Variants in RNF169 observed in about 807,000 individuals in gnomAD.
The protein encoded by RNF169 is ring finger protein 169, also known as E3 ubiquitin-protein ligase RNF169.
A neutral mutation model predicts 53.9 loss-of-function variants in RNF169; 24 were observed. The observed-to-expected ratio is 0.45, with a 90% CI of 0.32 to 0.63. The LOEUF is 0.63. Ranked by LOEUF, RNF169 falls within the 20% of genes least tolerant of loss-of-function variation. The pLI is 0.04. For synonymous variants in RNF169, 396 were observed against 363.5 expected (o/e 1.09, Z -1.02); for missense variants, 883 against 906.2 (o/e 0.97, Z 0.33).
intron 1 of RNF169, among the ~76,000 whole-genome samples, chr11:74,753,120 C>T (rs2034927440): frequency 6.6e-6 from 1 of 152,166 alleles, no homozygotes; most frequent in Non-Finnish European, 1.5e-5. Flanking sequence ...AGGTGTGCGC[C>T]ACCACGCCCG....
At chr11:74,755,481 G>A (rs2034967336) in intron 1 of RNF169, among the ~76,000 whole-genome samples, 1 of 152,160 alleles carries the variant, frequency 6.6e-6, no homozygotes, top group Non-Finnish European at 1.5e-5. Context: ...GCATTTTGAG[G>A]GGCACACATT....
chr11:74,778,195 C>T (rs2035364554), intron 1 of RNF169, among the ~76,000 whole-genome samples: 1 of 152,178 alleles, frequency 6.6e-6, no homozygotes. Flanking sequence ...TAATAAACTG[C>T]ATTATAAATG....
At position 74,819,170 on chromosome 11, in the gene RNF169, A is replaced by C. The variant is rs118017670; in HGVS notation, c.842+1456A>C. On this transcript the variant is annotated intron_variant, in intron 4 of 5. Coordinates refer to ENST00000299563, the MANE Select transcript of RNF169 (RefSeq NM_001098638.2). ...CCTAGCAAGATTCTGGCACATGCTA[A>C]GTCTTCAGTGAATATTGCTGCTGCT... is the stretch of plus-strand genomic sequence containing the variant. Among the ~76,000 whole-genome samples the C allele has an allele frequency of 3.8e-3, 576 of 152,268 alleles. 4 individuals carry two copies. Among genetic ancestry groups the C allele is most frequent in the South Asian group, 0.011 (51 of 4,824 alleles).
At chr11:74,790,081 C>A (rs1421254525) in intron 2 of RNF169, among the ~76,000 whole-genome samples, 1 of 152,174 alleles carries the variant, frequency 6.6e-6, no homozygotes, top group Non-Finnish European at 1.5e-5. Context: ...CATTATTGCT[C>A]ACTCCATTAA....
At chr11:74,829,112 A>AT (rs2342520) in intron 4 of RNF169, among the ~76,000 whole-genome samples, 50 of 152,358 alleles carry the variant, frequency 3.3e-4, no homozygotes, top group African/African-American at 1.2e-3. Context: ...AAGGTCTAAC[A>AT]TTCAGCATCT....
rs185568674 is a variant in RNF169 at position 74,749,942 on chromosome 11, C to T, written c.502+560C>T. On this transcript the variant is annotated intron_variant, in intron 1 of 5. Coordinates refer to ENST00000299563, the MANE Select transcript of RNF169 (RefSeq NM_001098638.2). ...AATGTATGCTTAGCACAGAACTTGGCACATAGTGAGGAAGCAGTAAGTGAC... is the reference window on the plus strand; with the variant it reads ...AATGTATGCTTAGCACAGAACTTGGTACATAGTGAGGAAGCAGTAAGTGAC... 1.0e-3 allele frequency among the ~76,000 whole-genome samples: 154 copies of T among 152,244 alleles called. 1 individual carries two copies. The highest frequency in any genetic ancestry group is 3.3e-3 in the African/African-American group (138 of 41,530).
At chr11:74,777,018 A>T (rs1336900286) in intron 1 of RNF169, among the ~76,000 whole-genome samples, 2 of 152,160 alleles carry the variant, frequency 1.3e-5, no homozygotes, top group African/African-American at 4.8e-5. Context: ...CTTCATAAAG[A>T]AAGGGAAGCA....
chr11:74,771,855 C>A (rs2035265407), intron 1 of RNF169, among the ~76,000 whole-genome samples: 1 of 152,104 alleles, frequency 6.6e-6, no homozygotes, highest in South Asian at 2.1e-4. Context: ...GGGTTCGAGA[C>A]CAGCTTGGAC....
chr11:74,807,114 G>T (rs2035816914), intron 2 of RNF169, among the ~76,000 whole-genome samples: 1 of 152,078 alleles, frequency 6.6e-6, no homozygotes, highest in East Asian at 1.9e-4. Flanking sequence ...TACAGTAGTG[G>T]ATGGCTTCAT....
At chr11:74,787,874 C>T (rs1591405705) in intron 1 of RNF169, among the ~76,000 whole-genome samples, 1 of 152,130 alleles carries the variant, frequency 6.6e-6, no homozygotes, top group Non-Finnish European at 1.5e-5. Context: ...TTTCAATAGT[C>T]TCTGGAGATT....
chr11:74,766,353 A>G (rs1222506970), intron 1 of RNF169, among the ~76,000 whole-genome samples: 2 of 152,204 alleles, frequency 1.3e-5, no homozygotes, highest in Non-Finnish European at 2.9e-5. Flanking sequence ...GAAAAAAGCA[A>G]CAGAGGGGTG....
intron 1 of RNF169, among the ~76,000 whole-genome samples, chr11:74,785,899 A>G (rs1471109760): frequency 6.6e-6 from 1 of 150,784 alleles, no homozygotes; most frequent in East Asian, 1.9e-4. Flanking sequence ...TTCATGTAAT[A>G]TATGTATCAA....
chr11:74,798,273 C>T (rs185158283), intron 2 of RNF169, among the ~76,000 whole-genome samples: 195 of 152,252 alleles, frequency 1.3e-3, no homozygotes, highest in Non-Finnish European at 2.3e-3. Context: ...GGAAAAATAT[C>T]GCTGAATTCT....
intron 4 of RNF169, among the ~76,000 whole-genome samples, chr11:74,829,278 A>C (rs1246953853): frequency 6.6e-6 from 1 of 152,264 alleles, no homozygotes; most frequent in Non-Finnish European, 1.5e-5. Context: ...AATGCAAATC[A>C]AAACCATAAT....
intron 4 of RNF169, among the ~76,000 whole-genome samples, chr11:74,818,915 A>G (rs1250191962): frequency 6.6e-6 from 1 of 152,116 alleles, no homozygotes; most frequent in Non-Finnish European, 1.5e-5. Flanking sequence ...TTGCCTAATT[A>G]TTTAAAAAAT....
rs750026923 is a variant in RNF169 at position 74,835,902 on chromosome 11, G to C, written c.1299G>C (p.Lys433Asn). Residue 433 changes from lysine (K) to asparagine (N), a missense_variant, in exon 6 of 6, where the codon AAG (lysine) becomes AAC (asparagine). This residue lies in a region of RNF169 where 351 missense variants were observed against 337.3 expected (regional missense o/e 1.04). Coordinates refer to ENST00000299563, the MANE Select transcript of RNF169 (RefSeq NM_001098638.2). ...AGGCCAGTCCACGGATCCTCAAAAAGTGGGAACAGATCTTTCAGGAGCGGC... is the reference window on the plus strand; with the variant it reads ...AGGCCAGTCCACGGATCCTCAAAAACTGGGAACAGATCTTTCAGGAGCGGC... ...SYEASPRILK[K>N]WEQIFQERQI... is the part of the protein sequence containing the mutation. 6.2e-7 allele frequency: 1 copy of C among 1,614,198 alleles called. No individual in the cohort carries two copies. The highest frequency in any genetic ancestry group is 8.5e-7 in the Non-Finnish European group (1 of 1,180,044).
intron 2 of RNF169, among the ~76,000 whole-genome samples, chr11:74,800,316 CT>C (rs1403031380): frequency 1.3e-5 from 2 of 152,012 alleles, no homozygotes; most frequent in Non-Finnish European, 2.9e-5. Context: ...TGAGAGTAAA[CT>C]TTTTTGTTTA....
intron 2 of RNF169, among the ~76,000 whole-genome samples, chr11:74,790,952 C>T (rs903264942): frequency 1.3e-5 from 2 of 152,218 alleles, no homozygotes; most frequent in African/African-American, 4.8e-5. Flanking sequence ...CGTGTTTCAG[C>T]CGTTTGTGTT....
chr11:74,778,762 C>T (rs1019365354), intron 1 of RNF169, among the ~76,000 whole-genome samples: 2 of 152,230 alleles, frequency 1.3e-5, no homozygotes, highest in Non-Finnish European at 2.9e-5. Context: ...CCATATGGCC[C>T]ATGTTCCACT....
Sources: allele counts gnomAD v4.1 joint callset (sites outside exome capture counted in the v4.1 genomes callset), GRCh38; gene constraint gnomAD v4.1.1; regional missense constraint gnomAD v4.1.1; transcripts MANE v1.5; gene names NCBI Gene and HGNC (gene_info 2026-07-23, HGNC 2026-07-21).